The following CNTNAP2 variants were observed in gnomAD, a reference collection of about 807,000 sequenced individuals.
CNTNAP2 encodes contactin-associated protein-like 2.
Under a neutral mutation model 155.2 loss-of-function variants are expected in CNTNAP2, and 98 were observed. That is an observed-to-expected ratio of 0.63 (90% CI 0.54 to 0.75). The LOEUF is 0.75. Among genes scored for constraint, CNTNAP2 ranks in the 30% least tolerant of loss-of-function variants. The pLI is 0.00. For synonymous variants in CNTNAP2, 651 were observed against 631.2 expected, an observed-to-expected ratio of 1.03 and a Z score of -0.47; for missense variants, 1,727 against 1,688.1, an observed-to-expected ratio of 1.02 and a Z score of -0.40.
intron 11 of CNTNAP2, among the ~76,000 whole-genome samples, chr7:147,552,167 G>A (rs562337069): frequency 1.7e-4 from 26 of 152,166 alleles, no homozygotes; most frequent in Non-Finnish European, 3.7e-4. Context: ...AGTTTTGGGC[G>A]GTGTATTTTG....
chr7:146,664,934 C>T lies in CNTNAP2; in HGVS notation c.98-109337C>T, dbSNP rs192238845. On this transcript the variant is annotated intron_variant, in intron 1 of 23. Transcript: ENST00000361727. ...GGAGCATAAATTGGTTAATAGTACT[C>T]TCTTGTTATCCTTTTTGTTTTGTTT... Among the ~76,000 whole-genome samples, 331 of 152,176 alleles carry T rather than the reference C, an allele frequency of 2.2e-3. 3 individuals are homozygous for T. Among genetic ancestry groups the T allele is most frequent in the African/African-American group, 7.8e-3 (326 of 41,536 alleles).
intron 10 of CNTNAP2, among the ~76,000 whole-genome samples, chr7:147,476,503 G>A (rs1798323090): frequency 1.3e-5 from 2 of 152,096 alleles, no homozygotes. Flanking sequence ...TAGGTACCTT[G>A]GATGTCTTTC....
At chr7:148,008,042 T>C (rs1255610847) in intron 15 of CNTNAP2, among the ~76,000 whole-genome samples, 3 of 151,992 alleles carry the variant, frequency 2.0e-5, no homozygotes, top group Non-Finnish European at 4.4e-5. Flanking sequence ...GCTGGGTAGG[T>C]AGAATCTAAT....
At chr7:148,356,316 A>AT (rs962550547) in intron 21 of CNTNAP2, among the ~76,000 whole-genome samples, 6 of 151,210 alleles carry the variant, frequency 4.0e-5, no homozygotes, top group Non-Finnish European at 8.9e-5. Context: ...CTTAAAAAAA[A>AT]TCCACCATAA....
chr7:147,477,844 A>C (rs1390051657), intron 10 of CNTNAP2, among the ~76,000 whole-genome samples: 3 of 152,210 alleles, frequency 2.0e-5, no homozygotes, highest in Non-Finnish European at 2.9e-5. Context: ...CAGAGTTTAC[A>C]CCGTAGGTAC....
intron 22 of CNTNAP2, among the ~76,000 whole-genome samples, chr7:148,398,161 G>A (rs1041072470): frequency 1.1e-4 from 17 of 152,128 alleles, no homozygotes; most frequent in East Asian, 3.9e-4. Flanking sequence ...CCTTCTAACC[G>A]CACAGTGGAG....
intron 14 of CNTNAP2, among the ~76,000 whole-genome samples, chr7:147,964,280 A>T (rs1195589728): frequency 6.6e-6 from 1 of 152,140 alleles, no homozygotes; most frequent in Non-Finnish European, 1.5e-5. Context: ...ACCAGAATAT[A>T]AATGTCGTCT....
At chr7:147,346,401 G>C (rs999538674) in intron 9 of CNTNAP2, among the ~76,000 whole-genome samples, 10 of 151,668 alleles carry the variant, frequency 6.6e-5, no homozygotes, top group African/African-American at 2.4e-4. Flanking sequence ...TGATCCACCC[G>C]CCTCGGCCTC....
At position 148,008,714 on chromosome 7, in the gene CNTNAP2, T is replaced by A. The variant is rs185410476; in HGVS notation, c.2383+30725T>A. Among the ~76,000 whole-genome samples, 260 of 152,326 alleles carry A rather than the reference T, an allele frequency of 1.7e-3. 2 individuals carry two copies. The highest frequency in any genetic ancestry group is 5.9e-3 in the African/African-American group (247 of 41,570). ...GTAGTTCAATTCATTTAACCTGAGT[T>A]CCTCTGGCTACAAATCTGGAGTCTC... is the stretch of plus-strand genomic sequence containing the variant. On this transcript the variant is annotated intron_variant, in intron 15 of 23. Coordinates refer to ENST00000361727, the MANE Select transcript of CNTNAP2 (RefSeq NM_014141.6).
intron 13 of CNTNAP2, among the ~76,000 whole-genome samples, chr7:147,639,524 C>T (rs900379240): frequency 4.6e-5 from 7 of 152,122 alleles, no homozygotes; most frequent in Non-Finnish European, 8.8e-5. Flanking sequence ...TTTAAACTTA[C>T]GGATTTTTAA....
At chr7:146,570,934 C>T (rs17133786) in intron 1 of CNTNAP2, among the ~76,000 whole-genome samples, 2,215 of 152,116 alleles carry the variant, frequency 0.015, 23 homozygotes, top group East Asian at 0.037. Context: ...AACTTATTAG[C>T]ATTTAGCCAA....
intron 2 of CNTNAP2, among the ~76,000 whole-genome samples, chr7:146,807,769 T>C (rs954822324): frequency 6.6e-6 from 1 of 152,046 alleles, no homozygotes; most frequent in African/African-American, 2.4e-5. Context: ...TATCTGATTC[T>C]AGTTGCTGCT....
chr7:146,361,381 C>A (rs771859747), intron 1 of CNTNAP2, among the ~76,000 whole-genome samples: 2 of 152,066 alleles, frequency 1.3e-5, no homozygotes, highest in Non-Finnish European at 2.9e-5. Context: ...ACCAGTCCCC[C>A]ACGTGTACCA....
At chr7:146,821,464 C>A (rs1162439256) in intron 2 of CNTNAP2, among the ~76,000 whole-genome samples, 1 of 152,072 alleles carries the variant, frequency 6.6e-6, no homozygotes, top group Non-Finnish European at 1.5e-5. Flanking sequence ...GTTGAAAATT[C>A]TTTTCTTTAA....
chr7:148,098,581 A>G (rs1318680510), intron 15 of CNTNAP2, among the ~76,000 whole-genome samples: 2 of 151,968 alleles, frequency 1.3e-5, no homozygotes, highest in Admixed American at 6.6e-5. Flanking sequence ...GGTGTGCATC[A>G]TAGTTCCAGC....
intron 1 of CNTNAP2, among the ~76,000 whole-genome samples, chr7:146,648,923 T>A (rs1406302880): frequency 6.6e-6 from 1 of 152,118 alleles, no homozygotes; most frequent in Admixed American, 6.6e-5. Flanking sequence ...TTTAATCATA[T>A]TAAATCTAAT....
chr7:146,236,225 T>G (rs1355780828), intron 1 of CNTNAP2, among the ~76,000 whole-genome samples: 1 of 152,194 alleles, frequency 6.6e-6, no homozygotes, highest in African/African-American at 2.4e-5. Flanking sequence ...ATATTTTCTC[T>G]AATACCGCTG....
intron 20 of CNTNAP2, among the ~76,000 whole-genome samples, chr7:148,263,662 G>A (rs1436349857): frequency 6.6e-6 from 1 of 151,710 alleles, no homozygotes; most frequent in Non-Finnish European, 1.5e-5. Context: ...GCGTGAACCC[G>A]GGAGGCGGAG....
At chr7:147,951,944 A>T (rs1413124419) in intron 14 of CNTNAP2, among the ~76,000 whole-genome samples, 1 of 151,940 alleles carries the variant, frequency 6.6e-6, no homozygotes, top group Non-Finnish European at 1.5e-5. Context: ...AATTAATTAA[A>T]TAAAAAAAAA....
Sources: gnomAD v4.1 joint callset for allele counts (sites outside exome capture counted in the v4.1 genomes callset) on GRCh38, gnomAD v4.1.1 for gene constraint, MANE v1.5 for transcripts, NCBI Gene and HGNC (gene_info 2026-07-23, HGNC 2026-07-21) for gene names.